The following CLSTN2 variants were observed in gnomAD, a reference collection of about 807,000 sequenced individuals.
CLSTN2 encodes calsyntenin-2.
In CLSTN2, 48 loss-of-function variants were observed where a neutral mutation model predicts 101.2. The ratio of observed to expected loss-of-function variants is 0.47; its 90% CI spans 0.38 to 0.60. The LOEUF (loss-of-function observed/expected upper bound fraction) is 0.60, where lower values mean the gene tolerates loss of function less well. Among genes scored for constraint, CLSTN2 ranks in the 20% least tolerant of loss-of-function variants. The probability of loss-of-function intolerance (pLI) is 0.00; values close to 1 mark genes in which losing one functional copy is unlikely to be tolerated. For synonymous variants in CLSTN2, 481 were observed against 463.6 expected (o/e 1.04, Z -0.48); for missense variants, 1,160 against 1,238.2 (o/e 0.94, Z 0.95).
chr3:140,245,552 G>A (rs1207547078), intron 2 of CLSTN2, among the ~76,000 whole-genome samples: 2 of 152,178 alleles, frequency 1.3e-5, no homozygotes, highest in Non-Finnish European at 2.9e-5. Flanking sequence ...ATTGTGGAAG[G>A]ATAACTGAAT....
At chr3:139,981,557 A>G (rs1935922716) in intron 1 of CLSTN2, among the ~76,000 whole-genome samples, 1 of 152,236 alleles carries the variant, frequency 6.6e-6, no homozygotes, top group African/African-American at 2.4e-5. Context: ...TATTCCTGCC[A>G]GTTCAATTTT....
chr3:140,213,677 A>G (rs979897859), intron 2 of CLSTN2, among the ~76,000 whole-genome samples: 2 of 152,182 alleles, frequency 1.3e-5, no homozygotes, highest in Admixed American at 1.3e-4. Flanking sequence ...AGCCTCATTC[A>G]TCTATTCTAG....
chr3:140,367,016 G>A (rs1559850066), intron 2 of CLSTN2, among the ~76,000 whole-genome samples: 1 of 152,142 alleles, frequency 6.6e-6, no homozygotes, highest in Admixed American at 6.5e-5. Flanking sequence ...GGTTAGTGTG[G>A]GCATGGTGAT....
intron 8 of CLSTN2, among the ~76,000 whole-genome samples, chr3:140,527,863 A>T (rs1318238015): frequency 6.6e-6 from 1 of 152,184 alleles, no homozygotes. Flanking sequence ...TGGAAGCTAA[A>T]CATTGGATAC....
intron 2 of CLSTN2, among the ~76,000 whole-genome samples, chr3:140,399,104 A>G (rs2088214395): frequency 6.6e-6 from 1 of 152,194 alleles, no homozygotes; most frequent in Non-Finnish European, 1.5e-5. Context: ...GGCTAGCCTC[A>G]CACCCATGCT....
chr3:140,278,075 G>A (rs552518883), intron 2 of CLSTN2, among the ~76,000 whole-genome samples: 22 of 152,294 alleles, frequency 1.4e-4, no homozygotes, highest in Non-Finnish European at 7.3e-5. Context: ...TCACAGGCCC[G>A]CAGAATCAGT....
intron 1 of CLSTN2, among the ~76,000 whole-genome samples, chr3:140,144,067 C>A (rs1432621901): frequency 6.6e-6 from 1 of 152,216 alleles, no homozygotes; most frequent in Non-Finnish European, 1.5e-5. Flanking sequence ...GAGAGATGCG[C>A]TAGCAAGAGC....
chr3:139,964,772 T>G (rs1254594745), intron 1 of CLSTN2, among the ~76,000 whole-genome samples: 1 of 152,210 alleles, frequency 6.6e-6, no homozygotes, highest in African/African-American at 2.4e-5. Flanking sequence ...GATTTTTCCC[T>G]CTTCATTTTT....
intron 7 of CLSTN2, among the ~76,000 whole-genome samples, chr3:140,464,637 C>G (rs1388389436): frequency 6.6e-6 from 1 of 152,210 alleles, no homozygotes; most frequent in Non-Finnish European, 1.5e-5. Flanking sequence ...ATCCATTCTT[C>G]TTGTTCCACC....
At chr3:140,225,511 T>TTTGC (rs1283930909) in intron 2 of CLSTN2, among the ~76,000 whole-genome samples, 1 of 151,900 alleles carries the variant, frequency 6.6e-6, no homozygotes, top group Non-Finnish European at 1.5e-5. Context: ...TGTTTGTTTG[T>TTTGC]TTTGAGATGG....
At position 140,010,335 on chromosome 3, in the gene CLSTN2, C is replaced by T. The variant is rs112333625; in HGVS notation, c.109+74852C>T. On this transcript the variant is annotated intron_variant, in intron 1 of 16. Transcript: ENST00000458420. ...TAAATAAGATGAGAAAATATTGACTCATGTAACTGAAAATTCCAGAGGTAG... is the reference window on the plus strand; with the variant it reads ...TAAATAAGATGAGAAAATATTGACTTATGTAACTGAAAATTCCAGAGGTAG... 2.0e-3 allele frequency among the ~76,000 whole-genome samples: 309 copies of T among 152,250 alleles called. 1 individual carries two copies. The highest frequency in any genetic ancestry group is 6.8e-3 in the African/African-American group (284 of 41,540).
Position 140,546,608 on chromosome 3 carries a change from T to TG in CLSTN2, c.1602dup (p.Ile535AspfsTer14). The TG allele has an allele frequency of 6.2e-7, 1 of 1,614,040 alleles. No homozygotes were observed. The highest frequency in any genetic ancestry group is 8.5e-7 in the Non-Finnish European group (1 of 1,179,990). On this transcript the variant is annotated frameshift_variant, in exon 10 of 17. Transcript: ENST00000458420. LOFTEE classifies it high-confidence loss of function. ...CCTGGCAAAATGGAAAGCCAGAAGGTGATCTCCTGCCTGCAGGCCTGCAAG... is the reference window on the plus strand; with the variant it reads ...CCTGGCAAAATGGAAAGCCAGAAGGTGGATCTCCTGCCTGCAGGCCTGCAAG...
chr3:140,512,590 C>T (rs764533650), intron 8 of CLSTN2, among the ~76,000 whole-genome samples: 14 of 151,984 alleles, frequency 9.2e-5, no homozygotes, highest in Non-Finnish European at 1.3e-4. Context: ...ATTACCTTGG[C>T]TATTTGGGCT....
At chr3:140,445,639 C>T (rs1469377) in intron 5 of CLSTN2, among the ~76,000 whole-genome samples, 72,448 of 151,948 alleles carry the variant, frequency 0.48, 17,562 homozygotes, top group Non-Finnish European at 0.5. Flanking sequence ...GATAGATGGT[C>T]CAGCAGGAGT....
intron 8 of CLSTN2, among the ~76,000 whole-genome samples, chr3:140,471,769 A>G (rs1019479858): frequency 2.0e-5 from 3 of 152,240 alleles, no homozygotes; most frequent in Admixed American, 1.3e-4. Flanking sequence ...CTACACATCT[A>G]TAAACTATAC....
At position 140,572,596 on chromosome 3, in the gene CLSTN2, T is replaced by C. The variant is rs568150142; in HGVS notation, c.*6343T>C. 11 of 152,352 alleles carry C rather than the reference T, an allele frequency of 7.2e-5. No individual in the cohort carries two copies. The East Asian group carries it at 2.1e-3, about 29-fold the overall frequency. The allele number at this position is 152,352 out of a possible 1,614,324, so 9.4% of individuals were successfully genotyped here. On this transcript the variant is annotated 3_prime_UTR_variant, in exon 17 of 17. Coordinates refer to ENST00000458420, the MANE Select transcript of CLSTN2 (RefSeq NM_022131.3). ...ACGAGACCTGCTGAGGGCTTACATT[T>C]GGTGCTGAGGAGCAGTGGTTCCCTG...
intron 2 of CLSTN2, among the ~76,000 whole-genome samples, chr3:140,228,505 T>G (rs933545535): frequency 6.6e-6 from 1 of 152,222 alleles, no homozygotes; most frequent in African/African-American, 2.4e-5. Flanking sequence ...GAAAACTGTT[T>G]CAACCTCTGC....
intron 10 of CLSTN2, among the ~76,000 whole-genome samples, chr3:140,548,399 G>C (rs1309886462): frequency 1.3e-5 from 2 of 152,216 alleles, no homozygotes; most frequent in Admixed American, 1.3e-4. Context: ...AGGAACGAAA[G>C]ACTGAAGGAG....
intron 2 of CLSTN2, among the ~76,000 whole-genome samples, chr3:140,320,584 G>T (rs1362226922): frequency 6.8e-6 from 1 of 147,926 alleles, no homozygotes; most frequent in South Asian, 2.2e-4. Context: ...TAATGCCCAT[G>T]CTTCCATTGT....
Sources: gnomAD v4.1 joint callset for allele counts (sites outside exome capture counted in the v4.1 genomes callset) on GRCh38, gnomAD v4.1.1 for gene constraint, MANE v1.5 for transcripts, NCBI Gene and HGNC (gene_info 2026-07-23, HGNC 2026-07-21) for gene names.